The following MAST4 variants were observed in gnomAD, a reference collection of about 807,000 sequenced individuals.
MAST4 encodes the protein microtubule-associated serine/threonine-protein kinase 4.
Under a neutral mutation model 162.7 loss-of-function variants are expected in MAST4, and 89 were observed. That is an observed-to-expected ratio of 0.55 (90% CI 0.46 to 0.65). MAST4 has a LOEUF of 0.65. Ranked by LOEUF, MAST4 falls within the 30% of genes least tolerant of loss-of-function variation. The pLI is 0.00. For missense variants in MAST4, 3,153 were observed against 3,374.0 expected, an observed-to-expected ratio of 0.93 and a Z score of 1.62; for synonymous variants, 1,479 against 1,361.1, an observed-to-expected ratio of 1.09 and a Z score of -1.91.
Position 66,596,593 on chromosome 5 carries a change from G to A in MAST4, c.-63G>A. 1.5e-6 allele frequency: 2 copies of A among 1,371,248 alleles called. No homozygotes were observed. The highest frequency in any genetic ancestry group is 1.8e-5 in the South Asian group (1 of 55,232). The allele number at this position is 1,371,248 out of a possible 1,614,324, so 84.9% of individuals were successfully genotyped here. A position where few individuals can be genotyped will look rare whatever the true frequency, so the allele number is the denominator to read the frequency against. On this transcript the variant is annotated 5_prime_UTR_variant, in exon 1 of 29. Transcript: ENST00000403625. Reference sequence around the variant, plus strand: ...GAGCCCAGGAGCCCGCGTCTTCCCCGGGAGGCGCTGAGTGCGCGCCGCGCC... The same window carrying A: ...GAGCCCAGGAGCCCGCGTCTTCCCCAGGAGGCGCTGAGTGCGCGCCGCGCC...
intron 5 of MAST4, among the ~76,000 whole-genome samples, chr5:67,083,418 A>G (rs568173100): frequency 2.0e-5 from 3 of 152,246 alleles, no homozygotes; most frequent in African/African-American, 7.2e-5. Flanking sequence ...TATAATAGAG[A>G]ATACCTTTAG....
chr5:67,116,010 C>G (rs776167190), intron 12 of MAST4, among the ~76,000 whole-genome samples: 22 of 152,224 alleles, frequency 1.4e-4, no homozygotes, highest in Admixed American at 5.2e-4. Flanking sequence ...GTTTTCTTAC[C>G]TGGCAATCAC....
chr5:67,078,895 T>TTTATATAAATAA (rs1491586866), intron 5 of MAST4, among the ~76,000 whole-genome samples: 2 of 73,314 alleles, frequency 2.7e-5, no homozygotes, highest in Non-Finnish European at 4.7e-5. Flanking sequence ...TTTATATATT[T>TTTATATAAATAA]ATATATTTTT....
At chr5:66,730,433 A>G (rs190075512) in intron 1 of MAST4, among the ~76,000 whole-genome samples, 65 of 152,250 alleles carry the variant, frequency 4.3e-4, no homozygotes, top group African/African-American at 1.5e-3. Flanking sequence ...CCAAGATCCA[A>G]TATTTCATTT....
intron 2 of MAST4, among the ~76,000 whole-genome samples, chr5:66,773,606 A>G (rs1226683299): frequency 2.0e-5 from 3 of 152,178 alleles, no homozygotes; most frequent in Non-Finnish European, 4.4e-5. Context: ...GGCCTTTAAG[A>G]GATGATTAGG....
chr5:67,140,288 G>A (rs1770208648), intron 19 of MAST4, among the ~76,000 whole-genome samples: 1 of 152,230 alleles, frequency 6.6e-6, no homozygotes, highest in African/African-American at 2.4e-5. Flanking sequence ...TAGGGAAACA[G>A]TTAAGCCCTC....
intron 4 of MAST4, chr5:66,959,226 A>T (rs1052426547): frequency 1.3e-6 from 1 of 779,500 alleles, no homozygotes; most frequent in Non-Finnish European, 2.4e-6. Flanking sequence ...GTTACAATAG[A>T]GTGTGCTAAC....
chr5:67,164,941 G>T lies in MAST4; in HGVS notation c.5762G>T (p.Arg1921Ile). The T allele has an allele frequency of 6.2e-7, 1 of 1,613,946 alleles. No individual in the cohort carries two copies. Among genetic ancestry groups the T allele is most frequent in the Non-Finnish European group, 8.5e-7 (1 of 1,179,892 alleles). Residue 1921 changes from arginine to isoleucine, a missense_variant, in exon 29 of 29, where the codon AGA (arginine) becomes ATA (isoleucine). Transcript: ENST00000403625. The surrounding 1 kb of genome is among the most constrained non-coding windows in gnomAD (Gnocchi z 5.3). ...GTCATGGAAAGCAATCCCCAACAGA[G>T]AGAGGGCAGCTCCCCTAAACACCAA... Reference protein sequence around the residue: ...GTVMESNPQQREGSSPKHQDH... With the variant: ...GTVMESNPQQIEGSSPKHQDH...
intron 3 of MAST4, among the ~76,000 whole-genome samples, chr5:66,873,191 C>T (rs578083492): frequency 3.9e-4 from 60 of 152,248 alleles, no homozygotes; most frequent in African/African-American, 1.3e-3. Context: ...ACATTCTTTC[C>T]TCCTCAAAAC....
rs917991552 is a variant in MAST4, at chr5:67,119,242, T to C, written c.1659+493T>C. On this transcript the variant is annotated intron_variant, in intron 13 of 28. Coordinates refer to ENST00000403625, the MANE Select transcript of MAST4 (RefSeq NM_001164664.2). ...CAGGGAGATAACCCAGTCAGAGTTATGGCTTGAAAAAAAATCACACTGACT... is the reference window on the plus strand; with the variant it reads ...CAGGGAGATAACCCAGTCAGAGTTACGGCTTGAAAAAAAATCACACTGACT... Among the ~76,000 whole-genome samples the C allele has an allele frequency of 2.0e-5, 3 of 151,984 alleles. No individual in the cohort carries two copies. The East Asian group carries it at 5.8e-4, about 29-fold the overall frequency.
intron 2 of MAST4, among the ~76,000 whole-genome samples, chr5:66,770,251 A>C (rs1434416629): frequency 6.6e-6 from 1 of 152,202 alleles, no homozygotes; most frequent in Non-Finnish European, 1.5e-5. Flanking sequence ...TTTGTTTGCT[A>C]TCTAGGTGTT....
chr5:67,016,319 T>C (rs984290384), intron 4 of MAST4, among the ~76,000 whole-genome samples: 1 of 152,226 alleles, frequency 6.6e-6, no homozygotes, highest in African/African-American at 2.4e-5. Context: ...TGAATTTGGA[T>C]AAAAACTTTA....
rs1753824625 is a variant in MAST4, at chr5:66,761,022, T to C, written c.517+1160T>C. ...TTTTCTAAAATTGTGCCATTTTACA[T>C]TCCTGACAGGTATGGATGAACGATC... On this transcript the variant is annotated intron_variant, in intron 2 of 28. Coordinates refer to ENST00000403625, the MANE Select transcript of MAST4 (RefSeq NM_001164664.2). Among the ~76,000 whole-genome samples, 3 of 152,346 alleles carry C rather than the reference T, an allele frequency of 2.0e-5. 1 individual carries two copies. The highest frequency in any genetic ancestry group is 3.4e-3 in the Middle Eastern group (1 of 294).
intron 3 of MAST4, among the ~76,000 whole-genome samples, chr5:66,804,384 G>A (rs1561342905): frequency 2.0e-5 from 3 of 152,214 alleles, no homozygotes; most frequent in Non-Finnish European, 2.9e-5. Flanking sequence ...TGTGGTTGGC[G>A]TGGCTTCCAT....
At chr5:66,824,924 G>A (rs1430794194) in intron 3 of MAST4, among the ~76,000 whole-genome samples, 2 of 152,174 alleles carry the variant, frequency 1.3e-5, no homozygotes, top group African/African-American at 4.8e-5. Flanking sequence ...TTGCAGGATT[G>A]GAAGTTGCTG....
intron 5 of MAST4, among the ~76,000 whole-genome samples, chr5:67,079,404 T>C (rs1762348160): frequency 6.6e-6 from 1 of 152,116 alleles, no homozygotes; most frequent in Admixed American, 6.6e-5. Context: ...AGGAATTTTT[T>C]TATACACATA....
intron 3 of MAST4, among the ~76,000 whole-genome samples, chr5:66,802,500 A>G (rs1755971501): frequency 1.3e-5 from 2 of 152,292 alleles, no homozygotes; most frequent in East Asian, 3.9e-4. Context: ...GTTGACTTTA[A>G]ATCTTTGTCA....
intron 1 of MAST4, among the ~76,000 whole-genome samples, chr5:66,620,314 A>T (rs983293693): frequency 6.6e-6 from 1 of 152,182 alleles, no homozygotes; most frequent in Admixed American, 6.5e-5. Flanking sequence ...TCCCCTCCAC[A>T]TTAAAACCAT....
At chr5:66,628,036 T>G (rs1205271600) in intron 1 of MAST4, among the ~76,000 whole-genome samples, 2 of 152,172 alleles carry the variant, frequency 1.3e-5, no homozygotes, top group Non-Finnish European at 2.9e-5. Flanking sequence ...TTGTTGTTGT[T>G]GTTTCTTGTT....
Sources: gnomAD v4.1 joint callset for allele counts (sites outside exome capture counted in the v4.1 genomes callset) on GRCh38, gnomAD v4.1.1 for gene constraint, Gnocchi (gnomAD v3.1) non-coding constraint, MANE v1.5 for transcripts, NCBI Gene and HGNC (gene_info 2026-07-23, HGNC 2026-07-21) for gene names.